The following CD96 variants were observed in gnomAD, a reference collection of about 807,000 sequenced individuals.
The protein encoded by CD96 is T-cell surface protein tactile.
A neutral mutation model predicts 71.3 loss-of-function variants in CD96; 70 were observed. The ratio of observed to expected loss-of-function variants is 0.98; its 90% CI spans 0.81 to 1.20. The LOEUF (loss-of-function observed/expected upper bound fraction) is 1.20. Ranked by LOEUF, CD96 falls within the 50% of genes most tolerant of loss-of-function variation. The pLI is 0.00. For missense variants in CD96, 742 were observed against 677.5 expected, an observed-to-expected ratio of 1.10 and a Z score of -1.06; for synonymous variants, 248 against 233.0, an observed-to-expected ratio of 1.06 and a Z score of -0.59.
intron 5 of CD96, among the ~76,000 whole-genome samples, chr3:111,587,261 C>G (rs1210185002): frequency 1.3e-5 from 2 of 152,234 alleles, no homozygotes; most frequent in African/African-American, 4.8e-5. Flanking sequence ...AACTCCCCTC[C>G]TGGCTGTTTT....
intron 2 of CD96, among the ~76,000 whole-genome samples, chr3:111,566,287 G>A (rs16858277): frequency 0.03 from 4,616 of 151,978 alleles, 174 homozygotes; most frequent in East Asian, 0.15. Flanking sequence ...TCAGAAGAAA[G>A]CTATTAGCAT....
chr3:111,628,753 G>A (rs1938911196), intron 10 of CD96, among the ~76,000 whole-genome samples: 1 of 152,102 alleles, frequency 6.6e-6, no homozygotes. Flanking sequence ...AATGGTAAGG[G>A]CAGGCAGAGA....
At chr3:111,604,399 C>T (rs1283372093) in intron 7 of CD96, among the ~76,000 whole-genome samples, 1 of 152,112 alleles carries the variant, frequency 6.6e-6, no homozygotes, top group Non-Finnish European at 1.5e-5. Flanking sequence ...AACTGTCTCT[C>T]CTTTTTAGGT....
At chr3:111,626,345 C>T (rs1938761795) in intron 10 of CD96, among the ~76,000 whole-genome samples, 1 of 148,802 alleles carries the variant, frequency 6.7e-6, no homozygotes, top group Admixed American at 6.7e-5. Context: ...CTCAGTGTCT[C>T]TGGTAATCAG....
chr3:111,572,179 G>A (rs1936013647), intron 3 of CD96, among the ~76,000 whole-genome samples: 1 of 152,180 alleles, frequency 6.6e-6, no homozygotes, highest in Admixed American at 6.5e-5. Flanking sequence ...CCCCGAACAT[G>A]CTTAATAGCA....
chr3:111,571,021 G>A (rs1381829348), intron 3 of CD96: 1 of 1,407,486 alleles, frequency 7.1e-7, no homozygotes, highest in African/African-American at 1.4e-5. Context: ...TTCTCTTTTG[G>A]GGTCAGCGGC....
At chr3:111,585,445 G>T (rs1049888912) in intron 5 of CD96, 67 bp downstream of exon 5, 5 of 1,015,486 alleles carry the variant, frequency 4.9e-6, no homozygotes, top group African/African-American at 3.2e-5. Flanking sequence ...TTGCATAGTT[G>T]CCAGGAATGT....
intron 3 of CD96, among the ~76,000 whole-genome samples, chr3:111,567,868 CT>C (rs947864774): frequency 6.6e-5 from 10 of 152,144 alleles, no homozygotes; most frequent in African/African-American, 2.4e-4. Context: ...TATAAATTTG[CT>C]TCTAAAGATT....
intron 4 of CD96, 173 bp downstream of exon 4, chr3:111,579,407 T>C (rs1466479424): frequency 1.5e-6 from 1 of 682,392 alleles, no homozygotes; most frequent in Non-Finnish European, 2.7e-6. Context: ...GAGGGTAGGA[T>C]GCTAAAGAAT....
chr3:111,579,450 A>G, intron 4 of CD96: 1 of 628,814 alleles, frequency 1.6e-6, no homozygotes, highest in Non-Finnish European at 2.9e-6. Context: ...AATCATACAG[A>G]AGCCAATAAT....
intron 7 of CD96, among the ~76,000 whole-genome samples, chr3:111,601,251 T>A (rs1055440998): frequency 3.3e-5 from 5 of 152,266 alleles, no homozygotes; most frequent in East Asian, 1.9e-4. Context: ...ATACTGATGA[T>A]CAAGAAAGAT....
chr3:111,624,693 A>G (rs1337090692), intron 10 of CD96, among the ~76,000 whole-genome samples: 2 of 152,240 alleles, frequency 1.3e-5, no homozygotes, highest in Admixed American at 6.5e-5. Context: ...GCCATTTTAA[A>G]TGGGCAGTCT....
intron 13 of CD96, among the ~76,000 whole-genome samples, chr3:111,649,314 C>T (rs964322560): frequency 6.6e-6 from 1 of 152,106 alleles, no homozygotes; most frequent in African/African-American, 2.4e-5. Flanking sequence ...ACCTCTGAGC[C>T]TCAGTTTTAT....
At chr3:111,660,505 G>GA (rs887883751) in intron 14 of CD96, among the ~76,000 whole-genome samples, 25 of 151,080 alleles carry the variant, frequency 1.7e-4, no homozygotes, top group South Asian at 4.2e-4. Flanking sequence ...CACAGAATTA[G>GA]AAAAAAAAAC....
intron 2 of CD96, among the ~76,000 whole-genome samples, chr3:111,555,413 A>G (rs747563210): frequency 1.3e-5 from 2 of 152,302 alleles, no homozygotes; most frequent in East Asian, 1.9e-4. Flanking sequence ...AGACAAATCT[A>G]CTTGCAATGA....
chr3:111,647,262 T>G (rs1280326241), intron 12 of CD96, among the ~76,000 whole-genome samples: 1 of 151,976 alleles, frequency 6.6e-6, no homozygotes, highest in East Asian at 1.9e-4. Context: ...ATGGACAGAA[T>G]AGTGTGTATA....
intron 8 of CD96, among the ~76,000 whole-genome samples, chr3:111,615,067 A>G (rs755414549): frequency 2.0e-5 from 3 of 152,212 alleles, no homozygotes; most frequent in Admixed American, 6.5e-5. Flanking sequence ...CCCTGCTTTC[A>G]ACGTGAGGTG....
At chr3:111,634,710 A>T (rs560629912) in intron 10 of CD96, 5 of 152,320 alleles carry the variant, frequency 3.3e-5, no homozygotes, top group African/African-American at 1.2e-4. Flanking sequence ...CAGCCTGACC[A>T]GAGTGGAGAA....
chr3:111,622,953 TCCCTGTTTAGGTTTCAAC>T (rs1425059504), intron 8 of CD96, among the ~76,000 whole-genome samples: 2 of 152,214 alleles, frequency 1.3e-5, no homozygotes, highest in African/African-American at 2.4e-5. Flanking sequence ...TTGTCCACTA[TCCCTGTTTAGGTTTCAAC>T]AGGACTCAAC....
Sources: gnomAD v4.1 joint callset for allele counts (sites outside exome capture counted in the v4.1 genomes callset) on GRCh38, gnomAD v4.1.1 for gene constraint, MANE v1.5 for transcripts, NCBI Gene and HGNC (gene_info 2026-07-23, HGNC 2026-07-21) for gene names.